NDUFS4: variants seen among roughly 807,000 people sequenced by gnomAD.
NDUFS4 encodes NADH:ubiquinone oxidoreductase subunit S4, also known as NADH dehydrogenase [ubiquinone] iron-sulfur protein 4, mitochondrial.
In NDUFS4, 28 loss-of-function variants were observed where a neutral mutation model predicts 24.3. The observed-to-expected ratio is 1.15, with a 90% CI of 0.85 to 1.58. The LOEUF is 1.58. Ranked by LOEUF, NDUFS4 falls within the 40% of genes most tolerant of loss-of-function variation. The probability of loss-of-function intolerance (pLI) is 0.00; values close to 1 mark genes in which losing one functional copy is unlikely to be tolerated. For synonymous variants in NDUFS4, 93 were observed against 69.7 expected (o/e 1.34, Z -1.67); for missense variants, 223 against 207.9 (o/e 1.07, Z -0.45).
intron 2 of NDUFS4, among the ~76,000 whole-genome samples, chr5:53,621,762 C>T (rs1016707447): frequency 1.7e-4 from 22 of 132,050 alleles, no homozygotes; most frequent in East Asian, 7.0e-4. Flanking sequence ...AGTGCAGTGG[C>T]GCGATCTCAA....
At chr5:53,593,997 G>C (rs774942985) in intron 1 of NDUFS4, among the ~76,000 whole-genome samples, 11 of 152,196 alleles carry the variant, frequency 7.2e-5, no homozygotes, top group Admixed American at 1.3e-4. Flanking sequence ...ACTTGAGTTT[G>C]AGCAGAATGT....
intron 1 of NDUFS4, among the ~76,000 whole-genome samples, chr5:53,578,708 TATC>T (rs1749464235): frequency 1.3e-5 from 2 of 152,168 alleles, no homozygotes; most frequent in African/African-American, 2.4e-5. Flanking sequence ...AAAAGAACAT[TATC>T]ATCACTGTCC....
At chr5:53,575,434 T>A (rs764337464) in intron 1 of NDUFS4, among the ~76,000 whole-genome samples, 8 of 152,060 alleles carry the variant, frequency 5.3e-5, no homozygotes, top group Non-Finnish European at 1.2e-4. Context: ...ATGGATTATT[T>A]TTAAAGCTAA....
At position 53,594,325 on chromosome 5, in the gene NDUFS4, G is replaced by A. The variant is rs151023779; in HGVS notation, c.99-9127G>A. On this transcript the variant is annotated intron_variant, in intron 1 of 4. Coordinates refer to ENST00000296684, the MANE Select transcript of NDUFS4 (RefSeq NM_002495.4). ...ATAATTTTTCTTGTTCTGGAGTCCCGTTTGTCTGAGATTAATTTAGCTGTG... is the reference window on the plus strand; with the variant it reads ...ATAATTTTTCTTGTTCTGGAGTCCCATTTGTCTGAGATTAATTTAGCTGTG... 9.2e-3 allele frequency among the ~76,000 whole-genome samples: 1,401 copies of A among 152,040 alleles called. 16 individuals are homozygous for A. The highest frequency in any genetic ancestry group is 0.032 in the African/African-American group (1,327 of 41,512).
intron 4 of NDUFS4, among the ~76,000 whole-genome samples, chr5:53,665,903 G>A (rs748366700): frequency 8.5e-5 from 13 of 152,198 alleles, no homozygotes; most frequent in African/African-American, 1.4e-4. Context: ...GAAATCACCC[G>A]TCTTCTGCGT....
intron 2 of NDUFS4, chr5:53,604,948 A>C (rs1269419228): frequency 2.2e-6 from 1 of 447,052 alleles, no homozygotes. Context: ...GGGGCAGGGC[A>C]TGGTGGCTCA....
chr5:53,683,329 T>G lies in NDUFS4; in HGVS notation c.*108T>G. 1 of 808,486 alleles carries G rather than the reference T, an allele frequency of 1.2e-6. No individual in the cohort carries two copies. The highest frequency in any genetic ancestry group is 2.5e-4 in the Middle Eastern group (1 of 3,978). 50.1% of individuals were successfully genotyped at this position (808,486 alleles called of 1,614,324 possible). A position where few individuals can be genotyped will look rare whatever the true frequency, so the allele number is the denominator to read the frequency against. ...CTTAATCTCCTAATAAATTGGACCT[T>G]TAAACTACAGATACATTTTGTGGTG... On this transcript the variant is annotated 3_prime_UTR_variant, in exon 5 of 5. Coordinates refer to ENST00000296684, the MANE Select transcript of NDUFS4 (RefSeq NM_002495.4).
At chr5:53,568,580 G>A (rs893117874) in intron 1 of NDUFS4, among the ~76,000 whole-genome samples, 1 of 152,054 alleles carries the variant, frequency 6.6e-6, no homozygotes, top group Non-Finnish European at 1.5e-5. Context: ...GGGAAAAAAG[G>A]CATTTTGATA....
chr5:53,575,711 T>G (rs570026775), intron 1 of NDUFS4, among the ~76,000 whole-genome samples: 1 of 151,928 alleles, frequency 6.6e-6, no homozygotes, highest in East Asian at 1.9e-4. Context: ...CTGGCTAATT[T>G]TTGTATTTTT....
chr5:53,629,012 A>C (rs534019524), intron 2 of NDUFS4, among the ~76,000 whole-genome samples: 1 of 152,114 alleles, frequency 6.6e-6, no homozygotes, highest in Non-Finnish European at 1.5e-5. Flanking sequence ...TCTTGTGGGC[A>C]TTTAGTGCTA....
chr5:53,640,292 AAG>A (rs1380678615), intron 2 of NDUFS4, among the ~76,000 whole-genome samples: 3 of 152,118 alleles, frequency 2.0e-5, no homozygotes, highest in Non-Finnish European at 4.4e-5. Context: ...AAAAGGAGGA[AAG>A]GGGAGCAGAA....
At chr5:53,617,799 A>AGTGG (rs1750892182) in intron 2 of NDUFS4, among the ~76,000 whole-genome samples, 1 of 152,208 alleles carries the variant, frequency 6.6e-6, no homozygotes, top group African/African-American at 2.4e-5. Flanking sequence ...CACTCTAGTG[A>AGTGG]GATACATGGG....
At chr5:53,608,685 C>A (rs1033588172) in intron 2 of NDUFS4, among the ~76,000 whole-genome samples, 2 of 152,182 alleles carry the variant, frequency 1.3e-5, no homozygotes, top group African/African-American at 4.8e-5. Flanking sequence ...GTTTAGGCTC[C>A]ACCCACCACA....
At chr5:53,607,989 GTTTTC>G (rs534694443) in intron 2 of NDUFS4, among the ~76,000 whole-genome samples, 40 of 151,992 alleles carry the variant, frequency 2.6e-4, no homozygotes, top group African/African-American at 9.7e-4. Flanking sequence ...AATTTATATT[GTTTTC>G]TTCATTTTAA....
At chr5:53,635,088 G>A (rs1751509953) in intron 2 of NDUFS4, among the ~76,000 whole-genome samples, 2 of 151,956 alleles carry the variant, frequency 1.3e-5, no homozygotes, top group Admixed American at 1.3e-4. Context: ...TACTTGGAAG[G>A]CTGAGGTGGG....
chr5:53,592,825 T>C (rs1177263080), intron 1 of NDUFS4, among the ~76,000 whole-genome samples: 1 of 152,242 alleles, frequency 6.6e-6, no homozygotes, highest in East Asian at 1.9e-4. Context: ...CTGACTTCAT[T>C]CTTCAGTATT....
chr5:53,638,979 A>G (rs1751632671), intron 2 of NDUFS4, among the ~76,000 whole-genome samples: 2 of 152,012 alleles, frequency 1.3e-5, no homozygotes, highest in South Asian at 4.1e-4. Flanking sequence ...CCTTTTCCAT[A>G]AGCCTTTTTT....
chr5:53,629,589 A>T (rs895520388), intron 2 of NDUFS4, among the ~76,000 whole-genome samples: 1 of 152,176 alleles, frequency 6.6e-6, no homozygotes, highest in African/African-American at 2.4e-5. Flanking sequence ...TACGTTTAGG[A>T]TAGTTAGCTC....
chr5:53,624,718 C>T (rs1751163170), intron 2 of NDUFS4, among the ~76,000 whole-genome samples: 1 of 152,096 alleles, frequency 6.6e-6, no homozygotes. Context: ...TTATCTCTAA[C>T]AGGTTTTTTT....
Sources: gnomAD v4.1 joint callset for allele counts (sites outside exome capture counted in the v4.1 genomes callset) on GRCh38, gnomAD v4.1.1 for gene constraint, MANE v1.5 for transcripts, NCBI Gene and HGNC (gene_info 2026-07-23, HGNC 2026-07-21) for gene names.